Variants in CFAP97D2 observed in about 807,000 individuals in gnomAD.
CFAP97D2 encodes uncharacterized protein CFAP97D2.
At chr13:114,209,761 G>C (rs183294652) in intron 3 of CFAP97D2, among the ~76,000 whole-genome samples, 6 of 152,298 alleles carry the variant, frequency 3.9e-5, no homozygotes, top group Middle Eastern at 6.8e-3. Flanking sequence ...CCTGTCTACT[G>C]TCTGTCTTCC....
At chr13:114,188,504 G>A (rs1170422068) in intron 1 of CFAP97D2, among the ~76,000 whole-genome samples, 1 of 152,080 alleles carries the variant, frequency 6.6e-6, no homozygotes, top group Non-Finnish European at 1.5e-5. Flanking sequence ...GAGGCCAGGT[G>A]CAGTGGCTCA....
chr13:114,222,934 A>G (rs2081027371), downstream of CFAP97D2: 1 of 171,588 alleles, frequency 5.8e-6, no homozygotes. This position sits in a 1 kb window ranked among gnomAD's most constrained non-coding sequence, Gnocchi z 4.4. Context: ...TTCTCTAGCT[A>G]TGAAGACTTA....
rs2138752918 is a variant in CFAP97D2, at chr13:114,187,816, G to A, written c.90+8396G>A. 6.6e-6 allele frequency among the ~76,000 whole-genome samples: 1 copy of A among 152,196 alleles called. No homozygotes were observed. ...TACTCATTCTTCTCAAGCTCACATG[G>A]AATATTCACCAAGATAGATCATGGA... On this transcript the variant is annotated intron_variant, in intron 1 of 4. Transcript: ENST00000646158. This position sits in a 1 kb window ranked among gnomAD's most constrained non-coding sequence, Gnocchi z 4.2.
At chr13:114,182,094 A>C (rs76552140) in intron 1 of CFAP97D2, among the ~76,000 whole-genome samples, 4 of 150,814 alleles carry the variant, frequency 2.7e-5, no homozygotes, top group African/African-American at 7.3e-5. Flanking sequence ...GTTTTTATTG[A>C]TTATTATTTT....
chr13:114,182,819 T>C (rs9562134), intron 1 of CFAP97D2, among the ~76,000 whole-genome samples: 9,994 of 152,274 alleles, frequency 0.066, 642 homozygotes, highest in East Asian at 0.33. Flanking sequence ...AGCTACAAAT[T>C]GACAACATCT....
chr13:114,203,626 G>A lies in CFAP97D2; in HGVS notation c.290+3183G>A, dbSNP rs1280825491. 6.6e-6 allele frequency among the ~76,000 whole-genome samples: 1 copy of A among 152,182 alleles called. No homozygotes were observed. The highest frequency in any genetic ancestry group is 2.4e-5 in the African/African-American group (1 of 41,444). The stretch of plus-strand genomic sequence containing the variant: ...ACAAGGGAAAAAAAGAAAAGAAAAA[G>A]AAAACTCAGCAAAGTGAGATGGAGT... On this transcript the variant is annotated intron_variant, in intron 3 of 4. Transcript: ENST00000646158. This position sits in a 1 kb window ranked among gnomAD's most constrained non-coding sequence, Gnocchi z 4.3.
rs1427263436 is a variant in CFAP97D2, at chr13:114,179,565, T to C, written c.90+145T>C. ...TTGAAATGACATTTCCTAACAAGAT[T>C]CATCATCTATGTTGCCATACAATAA... is the stretch of plus-strand genomic sequence containing the variant. On this transcript the variant is annotated intron_variant, in intron 1 of 4. Coordinates refer to ENST00000646158, the Ensembl canonical transcript of CFAP97D2. The surrounding 1 kb of genome is among the most constrained non-coding windows in gnomAD (Gnocchi z 4.8). The C allele has an allele frequency of 1.0e-5, 4 of 395,504 alleles. No homozygotes were observed. The highest frequency in any genetic ancestry group is 1.3e-5 in the Non-Finnish European group (3 of 224,778). The allele number at this position is 395,504 out of a possible 1,614,324, so 24.5% of individuals were successfully genotyped here.
intron 2 of CFAP97D2, among the ~76,000 whole-genome samples, chr13:114,198,012 G>C (rs2080895180): frequency 6.6e-6 from 1 of 151,764 alleles, no homozygotes; most frequent in Admixed American, 6.6e-5. Context: ...TTTTTTAGAC[G>C]GAGTCTCGCT....
intron 1 of CFAP97D2, among the ~76,000 whole-genome samples, chr13:114,190,993 A>T (rs117119271): frequency 0.012 from 1,765 of 152,356 alleles, 96 homozygotes; most frequent in Admixed American, 0.081. Context: ...CAGCCTTTTC[A>T]CAAATGGTGC....
chr13:114,202,380 T>C (rs886843400), intron 3 of CFAP97D2, among the ~76,000 whole-genome samples: 2 of 152,170 alleles, frequency 1.3e-5, no homozygotes, highest in African/African-American at 4.8e-5. Flanking sequence ...AGGAGCTCTC[T>C]CAACCCACTC....
chr13:114,192,093 T>G (rs2080871667), intron 1 of CFAP97D2, among the ~76,000 whole-genome samples: 1 of 152,028 alleles, frequency 6.6e-6, no homozygotes, highest in Non-Finnish European at 1.5e-5. Flanking sequence ...AAGGAAGAGC[T>G]GGAGCACAGA....
At chr13:114,181,365 C>T (rs1046389337) in intron 1 of CFAP97D2, among the ~76,000 whole-genome samples, 12 of 152,022 alleles carry the variant, frequency 7.9e-5, no homozygotes, top group East Asian at 1.9e-4. Context: ...TGCTGAGGGG[C>T]GTGAGGGTAG....
intron 4 of CFAP97D2, among the ~76,000 whole-genome samples, chr13:114,214,735 A>G (rs184055588): frequency 1.4e-3 from 220 of 152,234 alleles, no homozygotes; most frequent in African/African-American, 5.1e-3. Context: ...TATAGGCATG[A>G]GCCACTGCAC....
intron 3 of CFAP97D2, among the ~76,000 whole-genome samples, chr13:114,209,884 T>C (rs2080959397): frequency 6.6e-6 from 1 of 152,244 alleles, no homozygotes; most frequent in Admixed American, 6.5e-5. Flanking sequence ...AAATATTTGT[T>C]GAATGACTGA....
rs193169458 is a variant in CFAP97D2, at chr13:114,187,398, A to G, written c.90+7978A>G. On this transcript the variant is annotated intron_variant, in intron 1 of 4. Coordinates refer to ENST00000646158, the Ensembl canonical transcript of CFAP97D2. This position sits in a 1 kb window ranked among gnomAD's most constrained non-coding sequence, Gnocchi z 4.2. ...ATGTTGTCCACAAGAAACCATTTTA[A>G]GTATAAAGACATATAGCTTAAAAGT... Among the ~76,000 whole-genome samples the G allele has an allele frequency of 2.8e-3, 432 of 152,330 alleles. No individual in the cohort carries two copies. The highest frequency in any genetic ancestry group is 9.6e-3 in the African/African-American group (398 of 41,586).
chr13:114,182,485 C>A (rs1002801321), intron 1 of CFAP97D2, among the ~76,000 whole-genome samples: 1 of 151,800 alleles, frequency 6.6e-6, no homozygotes, highest in South Asian at 2.1e-4. Flanking sequence ...AGCACAGACC[C>A]TTTACCGGTG....
intron 1 of CFAP97D2, among the ~76,000 whole-genome samples, chr13:114,182,783 TG>T (rs537122107): frequency 8.5e-4 from 129 of 152,340 alleles, no homozygotes; most frequent in African/African-American, 2.9e-3. Flanking sequence ...TGGATCAAAG[TG>T]GTTAGGTCAA....
At chr13:114,198,877 G>A (rs1287000889) in intron 2 of CFAP97D2, among the ~76,000 whole-genome samples, 1 of 64,376 alleles carries the variant, frequency 1.6e-5, no homozygotes, top group Non-Finnish European at 2.6e-5. Flanking sequence ...GGGTGACGGC[G>A]CGTCCCCGTG....
chr13:114,212,839 G>A lies in CFAP97D2; in HGVS notation c.480+738G>A, dbSNP rs376429899. On this transcript the variant is annotated intron_variant, in intron 4 of 4. Coordinates refer to ENST00000646158, the Ensembl canonical transcript of CFAP97D2. ...TGCACTCCAGCCTGGGCAACAGATC[G>A]AGACTCCGTCTCAAAATAAATAAAA... Among the ~76,000 whole-genome samples, 956 of 151,806 alleles carry A rather than the reference G, an allele frequency of 6.3e-3. 5 individuals carry two copies. The highest frequency in any genetic ancestry group is 0.021 in the African/African-American group (882 of 41,298).
Sources: gnomAD v4.1 joint callset for allele counts (sites outside exome capture counted in the v4.1 genomes callset) on GRCh38, gnomAD v4.1.1 for gene constraint, Gnocchi (gnomAD v3.1) non-coding constraint, MANE v1.5 for transcripts, NCBI Gene and HGNC (gene_info 2026-07-23, HGNC 2026-07-21) for gene names.